Variants in ZDHHC1 observed in about 807,000 individuals in gnomAD.
ZDHHC1 encodes the protein zDHHC palmitoyltransferase 1, also known as palmitoyltransferase ZDHHC1.
A neutral mutation model predicts 46.9 loss-of-function variants in ZDHHC1; 45 were observed. That is an observed-to-expected ratio of 0.96 (90% CI 0.76 to 1.23). ZDHHC1 has a LOEUF of 1.23. ZDHHC1 is among the 50% of genes most tolerant of loss of function. The pLI, the probability that ZDHHC1 is intolerant of heterozygous loss-of-function variation, is 0.00. For synonymous variants in ZDHHC1, 291 were observed against 286.0 expected, an observed-to-expected ratio of 1.02 and a Z score of -0.18; for missense variants, 649 against 670.8, an observed-to-expected ratio of 0.97 and a Z score of 0.36.
At chr16:67,405,887 G>A (rs1449057667) in intron 3 of ZDHHC1, among the ~76,000 whole-genome samples, 1 of 152,234 alleles carries the variant, frequency 6.6e-6, no homozygotes, top group Non-Finnish European at 1.5e-5. Flanking sequence ...AACACAATTA[G>A]CATCAGGATG....
chr16:67,406,502 G>C lies in ZDHHC1; in HGVS notation c.10-60C>G. The C allele has an allele frequency of 6.9e-7, 1 of 1,447,002 alleles. No homozygotes were observed. The highest frequency in any genetic ancestry group is 9.1e-7 in the Non-Finnish European group (1 of 1,099,572). 89.6% of individuals were successfully genotyped at this position (1,447,002 alleles called of 1,614,324 possible). A position where few individuals can be genotyped will look rare whatever the true frequency, so the allele number is the denominator to read the frequency against. ...CCAAGAAGCTGGGCTGGAGCCCAGGGCCTGTGTCTGCAGCCAAGTTTCAGC... is the reference window on the plus strand; with the variant it reads ...CCAAGAAGCTGGGCTGGAGCCCAGGCCCTGTGTCTGCAGCCAAGTTTCAGC... On this transcript the variant is annotated intron_variant, in intron 2 of 11. Coordinates refer to ENST00000565726, the MANE Select transcript of ZDHHC1 (RefSeq NM_001323627.2). The surrounding 1 kb of genome is among the most constrained non-coding windows in gnomAD (Gnocchi z 4.1).
intron 7 of ZDHHC1, 124 bp from the exon 8 acceptor site, chr16:67,398,448 A>T: frequency 6.6e-7 from 1 of 1,510,374 alleles, no homozygotes; most frequent in Non-Finnish European, 8.9e-7. Context: ...ATCAGGTGAG[A>T]CCTGGCCACC....
Position 67,395,013 on chromosome 16 carries a change from T to A in ZDHHC1, c.1154A>T (p.Asp385Val). 6.2e-7 allele frequency: 1 copy of A among 1,611,170 alleles called. No homozygotes were observed. ...VYKVRTSETSDPASGPRAPSR... is the reference protein window; with the variant it reads ...VYKVRTSETSVPASGPRAPSR... ...GGAGAGGCGCTCACCCGACGCCGGA[T>A]CCGAGGTCTCAGACGTTCGCACTTT... is the stretch of plus-strand genomic sequence containing the variant. Residue 385 changes from aspartate to valine, a missense_variant, in exon 11 of 12, where the codon GAT becomes GTT. Asp to Val is a radical substitution (Grantham distance 152, BLOSUM62 -3). Coordinates refer to ENST00000565726, the MANE Select transcript of ZDHHC1 (RefSeq NM_001323627.2).
At chr16:67,405,086 C>A (rs568388792) in intron 3 of ZDHHC1, among the ~76,000 whole-genome samples, 1 of 152,282 alleles carries the variant, frequency 6.6e-6, no homozygotes, top group East Asian at 1.9e-4. Flanking sequence ...ATGACCAGAC[C>A]CTGGGCTCTA....
chr16:67,405,758 T>C (rs531508499), intron 3 of ZDHHC1, among the ~76,000 whole-genome samples: 40 of 152,268 alleles, frequency 2.6e-4, no homozygotes, highest in Admixed American at 1.4e-3. Context: ...AATAAAACCA[T>C]ATTTTAAGGC....
chr16:67,399,367 T>G lies in ZDHHC1; in HGVS notation c.518A>C (p.Glu173Ala). Reference protein sequence around the residue: ...HCKWLNNCVGERNYRLFLHSV... With the variant: ...HCKWLNNCVGARNYRLFLHSV... ...GGGCTGTCCTCACCGGTAGTTCCGC[T>G]CGCCCACACAGTTGTTGAGCCACTT... Residue 173 changes from glutamate (E) to alanine (A), a missense_variant, in exon 5 of 12, where the codon GAG (glutamate) becomes GCG (alanine). By Grantham distance (107) the Glu-to-Ala change is moderately radical (BLOSUM62 -1). Transcript: ENST00000565726. The G allele has an allele frequency of 1.2e-6, 2 of 1,612,864 alleles. No homozygotes were observed. Among genetic ancestry groups the G allele is most frequent in the Non-Finnish European group, 1.7e-6 (2 of 1,179,560 alleles).
At chr16:67,409,106 G>C (rs1052640041) in intron 1 of ZDHHC1, among the ~76,000 whole-genome samples, 1 of 152,126 alleles carries the variant, frequency 6.6e-6, no homozygotes, top group Non-Finnish European at 1.5e-5. Flanking sequence ...CCTGGCAGTG[G>C]CCACAGGCAC....
chr16:67,398,315 T>C lies in ZDHHC1; in HGVS notation c.824A>G (p.Lys275Arg), dbSNP rs779585425. 1 of 1,613,328 alleles carries C rather than the reference T, an allele frequency of 6.2e-7. No homozygotes were observed. The highest frequency in any genetic ancestry group is 1.3e-5 in the African/African-American group (1 of 75,008). Reference protein sequence around the residue: ...LCFHIYLMWHKLTTYEYIVQH... With the variant: ...LCFHIYLMWHRLTTYEYIVQH... ...CACGATGTACTCATAGGTGGTGAGC[T>C]TGTGCCACACTGGTGGGGGGAGGAG... is the stretch of plus-strand genomic sequence containing the variant. Residue 275 changes from lysine (K) to arginine (R), a missense_variant, in exon 8 of 12, where the codon AAG (lysine) becomes AGG (arginine). Transcript: ENST00000565726.
rs901004299 is a variant in ZDHHC1 at position 67,394,516 on chromosome 16, G to C, written c.*94C>G. ...GGAGGCCGATCCCGCCGGCCGTAGG[G>C]GCCCCTAAAGTGCACTCGGTGCGGC... On this transcript the variant is annotated 3_prime_UTR_variant, in exon 12 of 12. Transcript: ENST00000565726. The C allele has an allele frequency of 6.4e-4, 692 of 1,082,124 alleles. 2 individuals are homozygous for C. Among genetic ancestry groups the C allele is most frequent in the Non-Finnish European group, 7.5e-4 (662 of 883,842 alleles). The allele number at this position is 1,082,124 out of a possible 1,614,324, so 67.0% of individuals were successfully genotyped here.
intron 4 of ZDHHC1, among the ~76,000 whole-genome samples, chr16:67,400,331 G>T (rs1316456665): frequency 6.6e-6 from 1 of 152,180 alleles, no homozygotes; most frequent in South Asian, 2.1e-4. Flanking sequence ...GTGGAGAGGG[G>T]CCCCTAGAGA....
At chr16:67,413,938 CAAAAAAA>C (rs974752448) in intron 1 of ZDHHC1, among the ~76,000 whole-genome samples, 3 of 61,946 alleles carry the variant, frequency 4.8e-5, no homozygotes, top group African/African-American at 1.4e-4. Flanking sequence ...GACTCCGTCT[CAAAAAAA>C]AAAAAAAAAA....
rs372751146 is a variant in ZDHHC1, at chr16:67,398,920, G to A, written c.555C>T (p.Ser185=). ...CCAGGAGCAGGACGCCCAGTAAAGC[G>A]GATGCAACACTGTGTAGAAAGAGCC... is the stretch of plus-strand genomic sequence containing the variant. ...NYRLFLHSVA[S]ALLGVLLLVL... Residue 185 remains serine (S), a synonymous_variant, in exon 6 of 12, where the codon TCC becomes TCT. Transcript: ENST00000565726. The A allele has an allele frequency of 1.1e-4, 184 of 1,613,288 alleles. No homozygotes were observed. In the South Asian group the frequency reaches 1.2e-3, roughly 10 times the overall value.
rs747001722 is a variant in ZDHHC1 at position 67,398,330 on chromosome 16, G to A, written c.815-6C>T. The A allele has an allele frequency of 3.1e-6, 5 of 1,610,842 alleles. No homozygotes were observed. Among genetic ancestry groups the A allele is most frequent in the South Asian group, 1.1e-5 (1 of 90,658 alleles). ...GGTGGTGAGCTTGTGCCACACTGGTGGGGGGAGGAGAGGGCTCAGTGCGGT... is the reference window on the plus strand; with the variant it reads ...GGTGGTGAGCTTGTGCCACACTGGTAGGGGGAGGAGAGGGCTCAGTGCGGT... On this transcript the variant is annotated splice_polypyrimidine_tract_variant and splice_region_variant and intron_variant, in intron 7 of 11. Coordinates refer to ENST00000565726, the MANE Select transcript of ZDHHC1 (RefSeq NM_001323627.2).
Position 67,394,649 on chromosome 16 carries a change from C to G in ZDHHC1, c.1410G>C (p.Glu470Asp). The G allele has an allele frequency of 8.2e-7, 1 of 1,219,612 alleles. No individual in the cohort carries two copies. The highest frequency in any genetic ancestry group is 1.0e-6 in the Non-Finnish European group (1 of 981,142). The allele number at this position is 1,219,612 out of a possible 1,614,324, so 75.5% of individuals were successfully genotyped here. A position where few individuals can be genotyped will look rare whatever the true frequency, so the allele number is the denominator to read the frequency against. ...PAVFVSPSSG[E>D]PRAPGGREAG... Reference sequence around the variant, plus strand: ...CCTCCCGGCCGCCCGGCGCCCTGGGCTCGCCGCTGCTCGGGCTCACGAAAA... The same window carrying G: ...CCTCCCGGCCGCCCGGCGCCCTGGGGTCGCCGCTGCTCGGGCTCACGAAAA... Residue 470 changes from glutamate (E) to aspartate (D), a missense_variant, in exon 12 of 12, where the codon GAG becomes GAC. Transcript: ENST00000565726.
At chr16:67,395,955 C>T (rs2040422364) in intron 8 of ZDHHC1, 1 of 213,544 alleles carries the variant, frequency 4.7e-6, no homozygotes, top group African/African-American at 2.3e-5. Flanking sequence ...GAGAAACAGG[C>T]CTGAGTGTGC....
At chr16:67,397,270 C>A (rs2040451586) in intron 8 of ZDHHC1, among the ~76,000 whole-genome samples, 1 of 152,248 alleles carries the variant, frequency 6.6e-6, no homozygotes, top group South Asian at 2.1e-4. Flanking sequence ...CTCCTGCCTA[C>A]TTCTCTGGGC....
intron 4 of ZDHHC1, among the ~76,000 whole-genome samples, chr16:67,400,594 G>A (rs1231665461): frequency 1.3e-5 from 2 of 152,214 alleles, no homozygotes; most frequent in African/African-American, 2.4e-5. Flanking sequence ...AAAGCCATGC[G>A]GGGTGGCTGC....
chr16:67,411,879 G>C (rs1458120565), intron 1 of ZDHHC1, among the ~76,000 whole-genome samples: 3 of 152,158 alleles, frequency 2.0e-5, no homozygotes, highest in Admixed American at 6.5e-5. Flanking sequence ...TTGGGAGGTC[G>C]AGGAGGGCAG....
In ZDHHC1 at chr16:67,407,642, G is replaced by T. The variant is rs2040685909; in HGVS notation, c.9+125C>A. ...TTGGGCAAATTACTTTGCCATTTGGGACGCTTTGCAATCCTCATGTCTGCC... is the reference window on the plus strand; with the variant it reads ...TTGGGCAAATTACTTTGCCATTTGGTACGCTTTGCAATCCTCATGTCTGCC... On this transcript the variant is annotated intron_variant, in intron 2 of 11. Coordinates refer to ENST00000565726, the MANE Select transcript of ZDHHC1 (RefSeq NM_001323627.2). 4 of 724,152 alleles carry T rather than the reference G, an allele frequency of 5.5e-6. No individual in the cohort carries two copies. In the Admixed American group the frequency reaches 5.7e-5, roughly 10 times the overall value. 44.9% of individuals were successfully genotyped at this position (724,152 alleles called of 1,614,324 possible).
Sources: gnomAD v4.1 joint callset for allele counts (sites outside exome capture counted in the v4.1 genomes callset) on GRCh38, gnomAD v4.1.1 for gene constraint, Gnocchi (gnomAD v3.1) non-coding constraint, MANE v1.5 for transcripts, NCBI Gene and HGNC (gene_info 2026-07-23, HGNC 2026-07-21) for gene names.